The following FOCAD variants were observed in gnomAD, a reference collection of about 807,000 sequenced individuals.
FOCAD encodes the protein focadhesin, also known as KIAA1797.
In FOCAD, 198 loss-of-function variants were observed where a neutral mutation model predicts 225.6. The ratio of observed to expected loss-of-function variants is 0.88; its 90% confidence interval spans 0.78 to 0.99. The LOEUF (loss-of-function observed/expected upper bound fraction) is 0.99, where lower values mean the gene tolerates loss of function less well. Among genes scored for constraint, FOCAD ranks in the 50% least tolerant of loss-of-function variants. FOCAD has a pLI of 0.00. For synonymous variants in FOCAD, 897 were observed against 755.0 expected (o/e 1.19, Z -3.08); for missense variants, 2,713 against 2,123.6 (o/e 1.28, Z -5.46).
chr9:20,932,502 C>T (rs527700084), intron 27 of FOCAD, among the ~76,000 whole-genome samples: 26 of 151,912 alleles, frequency 1.7e-4, no homozygotes, highest in Non-Finnish European at 3.2e-4. Context: ...TAAATGTAAA[C>T]AAATATAGGT....
chr9:20,902,124 C>T (rs1832611114), intron 21 of FOCAD, among the ~76,000 whole-genome samples: 1 of 151,816 alleles, frequency 6.6e-6, no homozygotes, highest in African/African-American at 2.4e-5. Flanking sequence ...CACTTATGTG[C>T]AAGACACTGT....
In FOCAD at chr9:20,981,694, A is replaced by T; in HGVS notation, c.4638+8A>T. On this transcript the variant is annotated splice_region_variant and intron_variant, in intron 38 of 43. Transcript: ENST00000338382. ...CTGCCAAATAAGATTCGGGTGAGGA[A>T]CAAAAATATTTACATTCCTGACAAT... 2 of 1,598,988 alleles carry T rather than the reference A, an allele frequency of 1.3e-6. No individual in the cohort carries two copies. Among genetic ancestry groups the T allele is most frequent in the Non-Finnish European group, 8.5e-7 (1 of 1,172,702 alleles).
intron 18 of FOCAD, among the ~76,000 whole-genome samples, chr9:20,867,364 C>T (rs530202207): frequency 2.6e-5 from 4 of 151,986 alleles, no homozygotes; most frequent in African/African-American, 9.6e-5. Flanking sequence ...ACCTGTGCAG[C>T]CAAAGATCTC....
At chr9:20,766,864 G>A (rs1830092596) in intron 7 of FOCAD, among the ~76,000 whole-genome samples, 1 of 151,702 alleles carries the variant, frequency 6.6e-6, no homozygotes, top group African/African-American at 2.4e-5. Flanking sequence ...TAGGGTACAT[G>A]TGCACATTGT....
chr9:20,747,813 A>G (rs1230709644), intron 5 of FOCAD, among the ~76,000 whole-genome samples: 1 of 124,446 alleles, frequency 8.0e-6, no homozygotes, highest in Non-Finnish European at 1.8e-5. Context: ...GACCATTTGC[A>G]TTTTTAGTGT....
intron 2 of FOCAD, among the ~76,000 whole-genome samples, chr9:20,672,444 AATTATT>A (rs925562534): frequency 1.3e-5 from 2 of 152,102 alleles, no homozygotes; most frequent in Admixed American, 6.5e-5. Context: ...CTTAAAAATA[AATTATT>A]ATTATTATTA....
intron 4 of FOCAD, among the ~76,000 whole-genome samples, chr9:20,725,665 G>T (rs935580701): frequency 6.6e-6 from 1 of 152,130 alleles, no homozygotes; most frequent in Non-Finnish European, 1.5e-5. Context: ...ATGGAAGCCC[G>T]CCTCCCACCT....
intron 9 of FOCAD, among the ~76,000 whole-genome samples, chr9:20,780,719 T>A (rs1307109898): frequency 6.6e-6 from 1 of 152,182 alleles, no homozygotes; most frequent in South Asian, 2.1e-4. Context: ...ATGCCTGGAA[T>A]ATTTAGATTT....
In FOCAD at chr9:20,874,792, CCTT is replaced by C; in HGVS notation, c.2303_2305del (p.Pro768del). ...TCTCAAACTGTTGTCACTCACTCCC[CCTT>C]TGGTTTTACCAGGTGACTCCTATTT... On this transcript the variant is annotated inframe_deletion, in exon 19 of 44. Coordinates refer to ENST00000338382, the MANE Select transcript of FOCAD (RefSeq NM_001375567.1). 6.2e-7 allele frequency: 1 copy of C among 1,613,576 alleles called. No individual in the cohort carries two copies. Among genetic ancestry groups the C allele is most frequent in the Non-Finnish European group, 8.5e-7 (1 of 1,179,666 alleles).
At chr9:20,956,679 T>A (rs1278838228) in intron 35 of FOCAD, among the ~76,000 whole-genome samples, 1 of 152,170 alleles carries the variant, frequency 6.6e-6, no homozygotes, top group East Asian at 1.9e-4. Flanking sequence ...CAATAGCATA[T>A]GTTTTTGGTG....
At position 20,801,693 on chromosome 9, in the gene FOCAD, C is replaced by G. The variant is rs539815754; in HGVS notation, c.1455+12085C>G. ...CTGGATGTGCTGTATTAGTTCTTTA[C>G]TTTGTGAACCATAGTTTCAGTAGCA... On this transcript the variant is annotated intron_variant, in intron 11 of 43. Transcript: ENST00000338382. Among the ~76,000 whole-genome samples, 7 of 152,150 alleles carry G rather than the reference C, an allele frequency of 4.6e-5. No individual in the cohort carries two copies. The East Asian group carries it at 1.4e-3, about 30-fold the overall frequency.
At chr9:20,847,376 T>C (rs1298884441) in intron 15 of FOCAD, among the ~76,000 whole-genome samples, 2 of 152,138 alleles carry the variant, frequency 1.3e-5, no homozygotes, top group Non-Finnish European at 2.9e-5. Context: ...GTTTTCAAGG[T>C]TCATGCACGT....
Position 20,862,562 on chromosome 9 carries a change from TC to T in FOCAD, c.1921-15del. ...GGAGTCTTGTTAGGTGTTGACCTTT[TC>T]TATTTGCTTCACAGGTTGTTTGCAT... On this transcript the variant is annotated splice_polypyrimidine_tract_variant and intron_variant, in intron 15 of 43. Transcript: ENST00000338382. The T allele has an allele frequency of 6.2e-7, 1 of 1,611,842 alleles. No homozygotes were observed. Among genetic ancestry groups the T allele is most frequent in the Non-Finnish European group, 8.5e-7 (1 of 1,178,906 alleles).
At chr9:20,913,862 G>T (rs192555998) in intron 23 of FOCAD, among the ~76,000 whole-genome samples, 11 of 152,196 alleles carry the variant, frequency 7.2e-5, no homozygotes, top group Admixed American at 6.5e-4. Context: ...TAGTATATTT[G>T]CTAAGTTCTT....
chr9:20,990,427 C>T (rs1841550815), intron 42 of FOCAD, 53 bp downstream of exon 42: 2 of 1,592,118 alleles, frequency 1.3e-6, no homozygotes, highest in Admixed American at 3.5e-5. Context: ...GTCTCTTCAG[C>T]AGTTTCTACT....
intron 2 of FOCAD, among the ~76,000 whole-genome samples, chr9:20,673,805 C>G (rs1822149640): frequency 6.6e-6 from 1 of 152,176 alleles, no homozygotes; most frequent in Non-Finnish European, 1.5e-5. Flanking sequence ...CCCCTGAGCT[C>G]AAGCGATCTG....
chr9:20,987,405 G>A (rs1040569662), intron 40 of FOCAD, among the ~76,000 whole-genome samples: 4 of 151,968 alleles, frequency 2.6e-5, no homozygotes, highest in Non-Finnish European at 1.5e-5. Flanking sequence ...CTACTCAGGA[G>A]GCTGAGGCAG....
intron 39 of FOCAD, among the ~76,000 whole-genome samples, chr9:20,984,087 C>G (rs1157818590): frequency 3.3e-5 from 5 of 152,158 alleles, no homozygotes; most frequent in Non-Finnish European, 5.9e-5. Context: ...AAGAGTTAGT[C>G]TGCTTCAGCA....
chr9:20,860,989 T>G (rs1279515212), intron 15 of FOCAD, among the ~76,000 whole-genome samples: 1 of 152,198 alleles, frequency 6.6e-6, no homozygotes, highest in African/African-American at 2.4e-5. Flanking sequence ...ATGTTGTTTT[T>G]TGTTTGACTT....
Sources: gnomAD v4.1 joint callset for allele counts (sites outside exome capture counted in the v4.1 genomes callset) on GRCh38, gnomAD v4.1.1 for gene constraint, MANE v1.5 for transcripts, NCBI Gene and HGNC (gene_info 2026-07-23, HGNC 2026-07-21) for gene names.